LARP1B: variants seen among roughly 807,000 people sequenced by gnomAD.
LARP1B encodes the protein La ribonucleoprotein 1B.
Under a neutral mutation model 114.2 loss-of-function variants are expected in LARP1B, and 76 were observed. The observed-to-expected ratio is 0.67, with a 90% CI of 0.55 to 0.81. The LOEUF is 0.81. Ranked by LOEUF, LARP1B falls within the 30% of genes least tolerant of loss-of-function variation. The pLI is 0.00. For synonymous variants in LARP1B, 345 were observed against 348.0 expected, an observed-to-expected ratio of 0.99 and a Z score of 0.10; for missense variants, 1,014 against 1,075.8, an observed-to-expected ratio of 0.94 and a Z score of 0.80.
chr4:128,149,690 C>T (rs1344611077), intron 11 of LARP1B, among the ~76,000 whole-genome samples: 1 of 152,100 alleles, frequency 6.6e-6, no homozygotes, highest in Non-Finnish European at 1.5e-5. Context: ...GTCTTTTGCC[C>T]TCTCTCTAAA....
At chr4:128,122,509 G>A (rs545590903) in intron 11 of LARP1B, 21 of 1,522,394 alleles carry the variant, frequency 1.4e-5, no homozygotes, top group South Asian at 1.2e-4. Flanking sequence ...GCCCTTTCTC[G>A]TATGAAAGAA....
chr4:128,220,276 C>T, intron 6 of LARP1B: 1 of 426,348 alleles, frequency 2.3e-6, no homozygotes, highest in Non-Finnish European at 3.1e-6. Flanking sequence ...TCACCACTTT[C>T]CTTTGTGTGT....
At chr4:128,085,353 CTTTT>C (rs35260726) in intron 5 of LARP1B, among the ~76,000 whole-genome samples, 1 of 85,844 alleles carries the variant, frequency 1.2e-5, no homozygotes, top group African/African-American at 4.6e-5. Context: ...CCTTAGCTTC[CTTTT>C]TTTTTTTTTT....
chr4:128,166,720 C>G (rs1740989023), intron 12 of LARP1B, among the ~76,000 whole-genome samples: 1 of 151,458 alleles, frequency 6.6e-6, no homozygotes, highest in East Asian at 1.9e-4. Flanking sequence ...ACCTACATCT[C>G]CCCATTCTCC....
Position 128,211,755 on chromosome 4 carries a change from A to G in LARP1B, c.*1702A>G. On this transcript the variant is annotated 3_prime_UTR_variant, in exon 20 of 20. Transcript: ENST00000326639. ...TGTCCTTTTTGTGTTGAACACATAT[A>G]TCTGAAACCTGTATTTAACCAGATA... The G allele has an allele frequency of 1.1e-6, 1 of 946,332 alleles. No homozygotes were observed. Among genetic ancestry groups the G allele is most frequent in the Non-Finnish European group, 1.3e-6 (1 of 794,362 alleles). The allele number at this position is 946,332 out of a possible 1,614,324, so 58.6% of individuals were successfully genotyped here. A position where few individuals can be genotyped will look rare whatever the true frequency, so the allele number is the denominator to read the frequency against.
intron 11 of LARP1B, among the ~76,000 whole-genome samples, chr4:128,127,996 T>G (rs1192389651): frequency 6.6e-6 from 1 of 152,236 alleles, no homozygotes; most frequent in Non-Finnish European, 1.5e-5. Context: ...CAACTGACTT[T>G]GCAACAAATG....
At chr4:128,075,761 G>T (rs541845142) in intron 3 of LARP1B, among the ~76,000 whole-genome samples, 7 of 152,012 alleles carry the variant, frequency 4.6e-5, no homozygotes, top group Non-Finnish European at 8.8e-5. Flanking sequence ...TGCCCAGGCT[G>T]GTATCAAACT....
At chr4:128,134,279 G>T (rs527760737) in intron 11 of LARP1B, among the ~76,000 whole-genome samples, 3 of 152,234 alleles carry the variant, frequency 2.0e-5, no homozygotes, top group African/African-American at 7.2e-5. Context: ...GGGATTACAG[G>T]TGTGAGCTAC....
chr4:128,094,404 T>C (rs533370445), intron 7 of LARP1B, among the ~76,000 whole-genome samples: 60 of 148,424 alleles, frequency 4.0e-4, no homozygotes, highest in African/African-American at 9.4e-4. Context: ...CTTTTTCTTT[T>C]TTTTTTTTTT....
chr4:128,182,749 A>T (rs988100733), intron 15 of LARP1B, among the ~76,000 whole-genome samples: 1 of 152,256 alleles, frequency 6.6e-6, no homozygotes, highest in African/African-American at 2.4e-5. Context: ...GCTGAAAACT[A>T]GATCTCTTGT....
chr4:128,148,915 C>G (rs1246718362), intron 11 of LARP1B, among the ~76,000 whole-genome samples: 1 of 152,236 alleles, frequency 6.6e-6, no homozygotes, highest in African/African-American at 2.4e-5. Flanking sequence ...GCATGAGCCA[C>G]TGCACCTGGC....
intron 7 of LARP1B, among the ~76,000 whole-genome samples, chr4:128,096,244 C>T (rs866522819): frequency 3.3e-5 from 5 of 152,150 alleles, no homozygotes; most frequent in Admixed American, 6.5e-5. Context: ...CCGCCCGCCT[C>T]GGCCTCCCAA....
At chr4:128,138,963 A>G (rs1726679417) in intron 11 of LARP1B, among the ~76,000 whole-genome samples, 1 of 152,070 alleles carries the variant, frequency 6.6e-6, no homozygotes, top group South Asian at 2.1e-4. Context: ...AAATAATAAT[A>G]ATAATTTAAA....
At chr4:128,155,170 A>C (rs550830768) in intron 11 of LARP1B, among the ~76,000 whole-genome samples, 6 of 152,292 alleles carry the variant, frequency 3.9e-5, no homozygotes, top group African/African-American at 1.4e-4. Flanking sequence ...ACAACAACAA[A>C]AACAAAAACC....
chr4:128,176,269 ATGTG>A (rs67992602), intron 12 of LARP1B, among the ~76,000 whole-genome samples: 13 of 114,020 alleles, frequency 1.1e-4, no homozygotes, highest in Non-Finnish European at 2.1e-4. Flanking sequence ...ATATACACAT[ATGTG>A]TGTGTGTGTG....
intron 11 of LARP1B, among the ~76,000 whole-genome samples, chr4:128,135,083 C>G (rs962399896): frequency 2.0e-5 from 3 of 150,216 alleles, no homozygotes; most frequent in Admixed American, 6.7e-5. Flanking sequence ...GCCTGGGTGA[C>G]TGAGACTTCA....
In LARP1B at chr4:128,109,938, CTG is replaced by C. The variant is rs112311540; in HGVS notation, c.988+2627_988+2628del. ...GTTGTTGTTGAGACGGAGCCTCACT[CTG>C]TCGCTCAGGCTGGAGTACAGTGGCG... On this transcript the variant is annotated intron_variant, in intron 9 of 19. Coordinates refer to ENST00000326639, the MANE Select transcript of LARP1B (RefSeq NM_018078.4). Among the ~76,000 whole-genome samples the C allele has an allele frequency of 3.8e-3, 549 of 145,314 alleles. 5 individuals carry two copies. Among genetic ancestry groups the C allele is most frequent in the African/African-American group, 0.015 (524 of 34,960 alleles).
rs544253551 is a variant in LARP1B, at chr4:128,148,158, C to T, written c.1525-14036C>T. On this transcript the variant is annotated intron_variant, in intron 11 of 19. Transcript: ENST00000326639. ...CTTAATATGCATCTAAAGCTGGGCG[C>T]GGTGGCACATGCCTGTAATCCTAGC... Among the ~76,000 whole-genome samples the T allele has an allele frequency of 9.9e-5, 15 of 152,222 alleles. No individual in the cohort carries two copies. In the South Asian group the frequency reaches 1.7e-3, roughly 17 times the overall value.
intron 14 of LARP1B, 55 bp downstream of exon 14, chr4:128,178,697 A>G: frequency 7.9e-7 from 1 of 1,259,812 alleles, no homozygotes; most frequent in Non-Finnish European, 1.1e-6. Context: ...TTAACATTAC[A>G]GAATGAAACG....
Sources: gnomAD v4.1 joint callset for allele counts (sites outside exome capture counted in the v4.1 genomes callset) on GRCh38, gnomAD v4.1.1 for gene constraint, MANE v1.5 for transcripts, NCBI Gene and HGNC (gene_info 2026-07-23, HGNC 2026-07-21) for gene names.